The following CYP20A1 variants were observed in gnomAD, a reference collection of about 807,000 sequenced individuals.
CYP20A1 encodes the protein cytochrome P450 family 20 subfamily A member 1.
Under a neutral mutation model 61.4 loss-of-function variants are expected in CYP20A1, and 61 were observed. The observed-to-expected ratio is 0.99, with a 90% CI of 0.81 to 1.23. CYP20A1 has a LOEUF of 1.23. CYP20A1 is among the 50% of genes most tolerant of loss of function. The pLI, the probability that CYP20A1 is intolerant of heterozygous loss-of-function variation, is 0.00. For synonymous variants in CYP20A1, 193 were observed against 188.2 expected (o/e 1.03, Z -0.21); for missense variants, 530 against 542.4 (o/e 0.98, Z 0.23).
rs1463314672 is a variant in CYP20A1 at position 203,296,918 on chromosome 2, C to G, written c.*10C>G. On this transcript the variant is annotated 3_prime_UTR_variant, in exon 13 of 13. Transcript: ENST00000356079. Reference sequence around the variant, plus strand: ...CTCAAAGAGATATTAAAATTTTATACATTTAAAATCATTGTTAAATTGATT... The same window carrying G: ...CTCAAAGAGATATTAAAATTTTATAGATTTAAAATCATTGTTAAATTGATT... 3 of 1,422,744 alleles carry G rather than the reference C, an allele frequency of 2.1e-6. No individual in the cohort carries two copies. Among genetic ancestry groups the G allele is most frequent in the Non-Finnish European group, 2.9e-6 (3 of 1,041,038 alleles). 88.1% of individuals were successfully genotyped at this position (1,422,744 alleles called of 1,614,324 possible).
At position 203,285,814 on chromosome 2, in the gene CYP20A1, A is replaced by G. The variant is rs1354897273; in HGVS notation, c.971+82A>G. The G allele has an allele frequency of 4.8e-6, 6 of 1,250,226 alleles. No individual in the cohort carries two copies. In the African/African-American group the frequency reaches 6.1e-5, roughly 13 times the overall value. 77.4% of individuals were successfully genotyped at this position (1,250,226 alleles called of 1,614,324 possible). ...TAATTTAAAGCTATTGTTGCTATCT[A>G]GGAAAGCTACATATTTTTATAGGAC... On this transcript the variant is annotated intron_variant, in intron 9 of 12. Transcript: ENST00000356079.
chr2:203,280,279 A>AG (rs1448967567), intron 8 of CYP20A1, among the ~76,000 whole-genome samples, 166 bp downstream of exon 8: 9 of 152,292 alleles, frequency 5.9e-5, no homozygotes, highest in Admixed American at 5.9e-4. Flanking sequence ...TACAAAAAAA[A>AG]TAAGTTAACT....
In CYP20A1 at chr2:203,300,853, C is replaced by T. The variant is rs1676947586; in HGVS notation, c.*3945C>T. On this transcript the variant is annotated 3_prime_UTR_variant, in exon 13 of 13. Transcript: ENST00000356079. Reference sequence around the variant, plus strand: ...GCGATGAGCCGAGATCGTGCCATTGCACTCCAGCCTGGGCAATAAGAGCAA... The same window carrying T: ...GCGATGAGCCGAGATCGTGCCATTGTACTCCAGCCTGGGCAATAAGAGCAA... Among the ~76,000 whole-genome samples the T allele has an allele frequency of 7.2e-6, 1 of 138,012 alleles. No individual in the cohort carries two copies. The highest frequency in any genetic ancestry group is 2.7e-5 in the African/African-American group (1 of 36,664). 90.5% of individuals were successfully genotyped at this position (138,012 alleles called of 152,430 possible). A position where few individuals can be genotyped will look rare whatever the true frequency, so the allele number is the denominator to read the frequency against.
intron 4 of CYP20A1, 21 bp from the exon 5 acceptor site, chr2:203,266,493 T>A: frequency 6.2e-7 from 1 of 1,603,178 alleles, no homozygotes; most frequent in Non-Finnish European, 8.5e-7. Context: ...GTAATCATTG[T>A]GCTTTTCTGT....
intron 6 of CYP20A1, among the ~76,000 whole-genome samples, chr2:203,277,253 C>A (rs1156949659): frequency 6.6e-6 from 1 of 151,538 alleles, no homozygotes; most frequent in African/African-American, 2.4e-5. Context: ...GAGGCTGAGG[C>A]AGGAGAATCG....
intron 8 of CYP20A1, among the ~76,000 whole-genome samples, chr2:203,280,923 C>A (rs1333665133): frequency 6.6e-6 from 1 of 152,066 alleles, no homozygotes; most frequent in Non-Finnish European, 1.5e-5. Context: ...CCTTTCCAAC[C>A]AAAACAGTGA....
In CYP20A1 at chr2:203,305,830, T is replaced by C. The variant is rs903303867; in HGVS notation, c.*8922T>C. Among the ~76,000 whole-genome samples the C allele has an allele frequency of 3.3e-5, 5 of 152,136 alleles. No individual in the cohort carries two copies. Among genetic ancestry groups the C allele is most frequent in the African/African-American group, 1.2e-4 (5 of 41,432 alleles). ...TCTGTGCACATAGAATAAAGGAAAT[T>C]ATTAATGTTACTTAATAGTTTAAAA... On this transcript the variant is annotated 3_prime_UTR_variant, in exon 13 of 13. Coordinates refer to ENST00000356079, the MANE Select transcript of CYP20A1 (RefSeq NM_177538.3).
chr2:203,261,086 A>C (rs115207521), intron 4 of CYP20A1, among the ~76,000 whole-genome samples: 1 of 152,156 alleles, frequency 6.6e-6, no homozygotes, highest in South Asian at 2.1e-4. Context: ...TAAGAATTAT[A>C]GGCTGAGCAT....
chr2:203,304,379 A>G lies in CYP20A1; in HGVS notation c.*7471A>G, dbSNP rs1388187848. Among the ~76,000 whole-genome samples the G allele has an allele frequency of 1.3e-5, 2 of 152,090 alleles. No individual in the cohort carries two copies. The highest frequency in any genetic ancestry group is 2.9e-5 in the Non-Finnish European group (2 of 68,020). On this transcript the variant is annotated 3_prime_UTR_variant, in exon 13 of 13. Coordinates refer to ENST00000356079, the MANE Select transcript of CYP20A1 (RefSeq NM_177538.3). ...TGCCCAGCTAATTTTTTGTATTTTT[A>G]GTAGAGACGGGGTTTCACCATGTTA...
intron 11 of CYP20A1, among the ~76,000 whole-genome samples, chr2:203,294,957 T>TC (rs2068721002): frequency 9.5e-6 from 1 of 105,406 alleles, no homozygotes; most frequent in East Asian, 3.0e-4. Context: ...TTTTTTTTTT[T>TC]TTTTTTTTTT....
At chr2:203,249,295 G>A (rs368886342) in intron 3 of CYP20A1, among the ~76,000 whole-genome samples, 1 of 152,110 alleles carries the variant, frequency 6.6e-6, no homozygotes, top group South Asian at 2.1e-4. Flanking sequence ...TGCGAAGATC[G>A]CTTGAACCCA....
intron 4 of CYP20A1, among the ~76,000 whole-genome samples, chr2:203,260,711 A>T (rs2067102569): frequency 6.6e-6 from 1 of 152,100 alleles, no homozygotes; most frequent in Non-Finnish European, 1.5e-5. Flanking sequence ...TTTGGTAGAG[A>T]GAGGGTCTCA....
In CYP20A1 at chr2:203,296,805, G is replaced by GACTGC. The variant is rs1435336048; in HGVS notation, c.1289_1293dup (p.Leu432CysfsTer18). 6.2e-7 allele frequency: 1 copy of GACTGC among 1,608,274 alleles called. No homozygotes were observed. ...GTACTTCTTAGTGTATTGGTGAAGAGACTGCACCTACTTTCTGTGGAGGGA... is the reference window on the plus strand; with the variant it reads ...GTACTTCTTAGTGTATTGGTGAAGAGACTGCACTGCACCTACTTTCTGTGGAGGGA... On this transcript the variant is annotated frameshift_variant, in exon 13 of 13. Coordinates refer to ENST00000356079, the MANE Select transcript of CYP20A1 (RefSeq NM_177538.3). LOFTEE classifies it high-confidence loss of function.
At chr2:203,251,421 C>T (rs1329622252) in intron 3 of CYP20A1, among the ~76,000 whole-genome samples, 3 of 151,688 alleles carry the variant, frequency 2.0e-5, no homozygotes, top group African/African-American at 7.3e-5. Context: ...GTGGAATTCC[C>T]AGTCAGGATA....
At chr2:203,239,278 G>A (rs1000663071) in intron 1 of CYP20A1, 144 bp downstream of exon 1, 2 of 697,488 alleles carry the variant, frequency 2.9e-6, no homozygotes, top group African/African-American at 1.8e-5. Context: ...TCAGCGCGGG[G>A]ACCGCACCCG....
intron 6 of CYP20A1, among the ~76,000 whole-genome samples, chr2:203,277,773 C>G (rs1477082976): frequency 1.3e-5 from 2 of 152,156 alleles, no homozygotes; most frequent in East Asian, 3.9e-4. Flanking sequence ...CTCGGCCTCC[C>G]AAAGTGCTGG....
intron 1 of CYP20A1, among the ~76,000 whole-genome samples, chr2:203,243,471 A>C (rs1189872046): frequency 6.6e-6 from 1 of 151,164 alleles, no homozygotes; most frequent in Non-Finnish European, 1.5e-5. Context: ...GCTCACTGCA[A>C]CCTCCGCCTC....
At chr2:203,275,364 G>T (rs1256135829) in intron 6 of CYP20A1, among the ~76,000 whole-genome samples, 13 of 152,022 alleles carry the variant, frequency 8.6e-5, no homozygotes, top group Non-Finnish European at 1.8e-4. Context: ...AACTTCTCAG[G>T]TGATTCTAAT....
intron 6 of CYP20A1, 36 bp from the exon 7 acceptor site, chr2:203,278,537 C>T (rs778949602): frequency 1.9e-6 from 2 of 1,025,924 alleles, no homozygotes; most frequent in East Asian, 5.0e-5. Flanking sequence ...TCCACTAATG[C>T]TTGTATTCTA....
Sources: gnomAD v4.1 joint callset for allele counts (sites outside exome capture counted in the v4.1 genomes callset) on GRCh38, gnomAD v4.1.1 for gene constraint, MANE v1.5 for transcripts, NCBI Gene and HGNC (gene_info 2026-07-23, HGNC 2026-07-21) for gene names.